PSMB2: variants seen among roughly 807,000 people sequenced by gnomAD.
PSMB2 encodes the protein proteasome 20S subunit beta 2, also known as proteasome subunit beta type-2.
In PSMB2, 13 loss-of-function variants were observed where a neutral mutation model predicts 25.7. The observed-to-expected ratio is 0.51, with a 90% CI of 0.33 to 0.80. The LOEUF is 0.80. Ranked by LOEUF, PSMB2 falls within the 30% of genes least tolerant of loss-of-function variation. The pLI, the probability that PSMB2 is intolerant of heterozygous loss-of-function variation, is 0.02. For missense variants in PSMB2, 202 were observed against 259.0 expected, an observed-to-expected ratio of 0.78 and a Z score of 1.51; for synonymous variants, 87 against 96.2, an observed-to-expected ratio of 0.90 and a Z score of 0.56.
At position 35,603,389 on chromosome 1, in the gene PSMB2, G is replaced by A. The variant is rs1452951286; in HGVS notation, c.499-15C>T. 1 of 1,613,516 alleles carries A rather than the reference G, an allele frequency of 6.2e-7. No homozygotes were observed. The highest frequency in any genetic ancestry group is 8.5e-7 in the Non-Finnish European group (1 of 1,179,674). ...CGTTTCTGGAGCTGCAGAGAGACAT[G>A]GAGGAAATCAGTCAACAAATGATTA... On this transcript the variant is annotated splice_polypyrimidine_tract_variant and intron_variant, in intron 5 of 5. Transcript: ENST00000373237.
intron 5 of PSMB2, 70 bp from the exon 6 acceptor site, chr1:35,603,444 G>C (rs1650066548): frequency 1.3e-6 from 2 of 1,545,002 alleles, no homozygotes; most frequent in Admixed American, 3.9e-5. Flanking sequence ...CTCTGTTCTA[G>C]ACACTGGGGA....
rs537233781 is a variant in PSMB2, at chr1:35,616,255, A to C, written c.286-6847T>G. On this transcript the variant is annotated intron_variant, in intron 3 of 5. Transcript: ENST00000373237. ...ATCATGCTGCCTCCACAAAATGGAA[A>C]TTAGTGTAAAAATATGATTTGGTAT... 2.6e-4 allele frequency among the ~76,000 whole-genome samples: 40 copies of C among 152,346 alleles called. 1 individual carries two copies. The highest frequency in any genetic ancestry group is 9.6e-4 in the African/African-American group (40 of 41,578).
chr1:35,625,180 T>A (rs1215751779), intron 3 of PSMB2, among the ~76,000 whole-genome samples: 1 of 152,224 alleles, frequency 6.6e-6, no homozygotes, highest in Non-Finnish European at 1.5e-5. Flanking sequence ...TTATTTCTAC[T>A]GTTTACTTGC....
intron 1 of PSMB2, among the ~76,000 whole-genome samples, chr1:35,638,167 C>A (rs1244158438): frequency 7.2e-5 from 11 of 151,998 alleles, no homozygotes. Context: ...AATACAAGGC[C>A]AAAAATGTTT....
chr1:35,602,899 G>A lies in PSMB2; in HGVS notation c.*368C>T, dbSNP rs1650046490. 2 of 988,446 alleles carry A rather than the reference G, an allele frequency of 2.0e-6. No homozygotes were observed. The highest frequency in any genetic ancestry group is 2.4e-6 in the Non-Finnish European group (2 of 827,294). The allele number at this position is 988,446 out of a possible 1,614,324, so 61.2% of individuals were successfully genotyped here. A position where few individuals can be genotyped will look rare whatever the true frequency, so the allele number is the denominator to read the frequency against. ...AATTAATTTAAAAATTTAAGTTTAA[G>A]GGCAAAAAGAACCACTACTTTAGAG... On this transcript the variant is annotated 3_prime_UTR_variant, in exon 6 of 6. Coordinates refer to ENST00000373237, the MANE Select transcript of PSMB2 (RefSeq NM_002794.5).
intron 3 of PSMB2, among the ~76,000 whole-genome samples, chr1:35,618,678 G>A (rs1650577120): frequency 6.6e-6 from 1 of 152,196 alleles, no homozygotes; most frequent in African/African-American, 2.4e-5. Context: ...AGAGGTGCGA[G>A]AGAGAACCCA....
At chr1:35,603,475 T>C in intron 5 of PSMB2, 101 bp from the exon 6 acceptor site, 1 of 1,383,118 alleles carries the variant, frequency 7.2e-7, no homozygotes, top group South Asian at 1.3e-5. Context: ...CAAAAATCCC[T>C]GCTTTTGTGG....
At chr1:35,632,784 G>A (rs1651140076) in intron 2 of PSMB2, among the ~76,000 whole-genome samples, 1 of 151,962 alleles carries the variant, frequency 6.6e-6, no homozygotes, top group African/African-American at 2.4e-5. Context: ...TTCCCAGGTA[G>A]TTGGGAGGCT....
At chr1:35,636,146 G>A (rs193009230) in intron 2 of PSMB2, among the ~76,000 whole-genome samples, 164 bp downstream of exon 2, 1 of 152,298 alleles carries the variant, frequency 6.6e-6, no homozygotes, top group Non-Finnish European at 1.5e-5. Flanking sequence ...AAGCCAAGGA[G>A]AGAGGCCTCA....
At chr1:35,637,718 G>T (rs1226110323) in intron 1 of PSMB2, among the ~76,000 whole-genome samples, 1 of 152,122 alleles carries the variant, frequency 6.6e-6, no homozygotes, top group East Asian at 1.9e-4. Flanking sequence ...CTTAGACTTG[G>T]AGGGAAAAAA....
intron 3 of PSMB2, among the ~76,000 whole-genome samples, chr1:35,630,137 T>C (rs2148575906): frequency 6.6e-6 from 1 of 152,258 alleles, no homozygotes; most frequent in East Asian, 1.9e-4. Flanking sequence ...ATTGCACCAT[T>C]GCACTCTAGT....
intron 3 of PSMB2, among the ~76,000 whole-genome samples, chr1:35,610,001 T>C (rs1213697276): frequency 2.6e-5 from 4 of 152,242 alleles, no homozygotes; most frequent in Non-Finnish European, 5.9e-5. Flanking sequence ...TCATTCCTAA[T>C]TGTTGAAACC....
chr1:35,631,243 T>C (rs1157315132), intron 3 of PSMB2, 31 bp downstream of exon 3: 2 of 1,596,934 alleles, frequency 1.3e-6, no homozygotes, highest in Admixed American at 1.7e-5. Flanking sequence ...ATTTTTCTGC[T>C]CTATCTAACA....
At chr1:35,635,644 C>T (rs549476206) in intron 2 of PSMB2, among the ~76,000 whole-genome samples, 1 of 152,060 alleles carries the variant, frequency 6.6e-6, no homozygotes, top group African/African-American at 2.4e-5. Flanking sequence ...TCCTGGTCAA[C>T]GTGGTGAAAC....
intron 3 of PSMB2, among the ~76,000 whole-genome samples, chr1:35,618,286 T>C (rs1650567380): frequency 1.3e-5 from 2 of 152,048 alleles, no homozygotes; most frequent in South Asian, 4.1e-4. Flanking sequence ...GCAGTCCAAC[T>C]GAAAAGAGCT....
Position 35,635,828 on chromosome 1 carries a change from C to CAAA in PSMB2, c.214+479_214+481dup, listed in dbSNP as rs1163061850. 2.7e-3 allele frequency among the ~76,000 whole-genome samples: 91 copies of CAAA among 34,184 alleles called. 1 individual carries two copies. The highest frequency in any genetic ancestry group is 0.012 in the Middle Eastern group (1 of 86). 22.4% of individuals were successfully genotyped at this position (34,184 alleles called of 152,430 possible). The stretch of plus-strand genomic sequence containing the variant: ...TGGGCAACAGAGCGAGACTCCGTCT[C>CAAA]AAAAAAAAAAAAAAAAAAAAAAAAG... On this transcript the variant is annotated intron_variant, in intron 2 of 5. Coordinates refer to ENST00000373237, the MANE Select transcript of PSMB2 (RefSeq NM_002794.5).
chr1:35,628,588 AAAAAAAAAATATAT>A (rs1200362751), intron 3 of PSMB2, among the ~76,000 whole-genome samples: 1 of 18,958 alleles, frequency 5.3e-5, no homozygotes, highest in Admixed American at 9.2e-4. Flanking sequence ...GAAAAAAAAA[AAAAAAAAAATATAT>A]ATATATATAT....
Position 35,609,268 on chromosome 1 carries a change from G to T in PSMB2, c.426C>A (p.Ile142=). The T allele has an allele frequency of 1.2e-6, 2 of 1,609,792 alleles. No individual in the cohort carries two copies. Among genetic ancestry groups the T allele is most frequent in the South Asian group, 2.2e-5 (2 of 90,428 alleles). The change falls in exon 4 of 6, where the codon ATC becomes ATA. Residue 142 remains isoleucine, a synonymous_variant. Coordinates refer to ENST00000373237, the MANE Select transcript of PSMB2 (RefSeq NM_002794.5). ...HGYGAFLTLS[I]LDRYYTPTIS... Reference sequence around the variant, plus strand: ...TACTCGGTGTGTAGTATCGGTCGAGGATACTGAGAGTCAGGAAGGCACCAT... The same window carrying T: ...TACTCGGTGTGTAGTATCGGTCGAGTATACTGAGAGTCAGGAAGGCACCAT...
chr1:35,611,369 C>CT (rs1466876429), intron 3 of PSMB2, among the ~76,000 whole-genome samples: 2 of 152,008 alleles, frequency 1.3e-5, no homozygotes, highest in African/African-American at 4.8e-5. Context: ...GAGTAACAGG[C>CT]TTTTGTTCTG....
Sources: gnomAD v4.1 joint callset for allele counts (sites outside exome capture counted in the v4.1 genomes callset) on GRCh38, gnomAD v4.1.1 for gene constraint, MANE v1.5 for transcripts, NCBI Gene and HGNC (gene_info 2026-07-23, HGNC 2026-07-21) for gene names.